Variants in ADARB2 observed in about 807,000 individuals in gnomAD.
ADARB2 encodes the protein inactive double-stranded RNA-specific editase B2.
Under a neutral mutation model 62.2 loss-of-function variants are expected in ADARB2, and 25 were observed. The ratio of observed to expected loss-of-function variants is 0.40; its 90% CI spans 0.29 to 0.56. ADARB2 has a LOEUF of 0.56. Ranked by LOEUF, ADARB2 falls within the 20% of genes least tolerant of loss-of-function variation. The pLI is 0.43. For synonymous variants in ADARB2, 572 were observed against 500.8 expected, an observed-to-expected ratio of 1.14 and a Z score of -1.90; for missense variants, 1,071 against 1,077.4, an observed-to-expected ratio of 0.99 and a Z score of 0.08.
intron 1 of ADARB2, among the ~76,000 whole-genome samples, chr10:1,393,970 G>C (rs141925356): frequency 2.0e-3 from 306 of 152,340 alleles, no homozygotes; most frequent in South Asian, 3.5e-3. Context: ...GGGGGTGGAG[G>C]CTGCAGAAGT....
chr10:1,530,512 T>G (rs1046941518), intron 1 of ADARB2, among the ~76,000 whole-genome samples: 1 of 152,230 alleles, frequency 6.6e-6, no homozygotes, highest in Non-Finnish European at 1.5e-5. Context: ...TCACGTGGCC[T>G]CTGTGGGAGC....
chr10:1,373,316 AC>A (rs1832389708), intron 2 of ADARB2, among the ~76,000 whole-genome samples: 1 of 151,750 alleles, frequency 6.6e-6, no homozygotes, highest in South Asian at 2.1e-4. Context: ...TCTCTGACAC[AC>A]ACACACACAC....
chr10:1,458,327 GAGA>G (rs1831123008), intron 1 of ADARB2, among the ~76,000 whole-genome samples: 3 of 151,910 alleles, frequency 2.0e-5, no homozygotes, highest in Non-Finnish European at 4.4e-5. Context: ...GAGCTGCCAG[GAGA>G]AGAAGGAAAG....
intron 1 of ADARB2, among the ~76,000 whole-genome samples, chr10:1,703,128 C>T (rs1475394613): frequency 2.0e-5 from 3 of 152,132 alleles, no homozygotes; most frequent in African/African-American, 7.2e-5. Context: ...GCACGTGCTA[C>T]ACCAGGGGCT....
intron 7 of ADARB2, among the ~76,000 whole-genome samples, chr10:1,211,338 A>G (rs1247391708): frequency 6.6e-6 from 1 of 151,664 alleles, no homozygotes; most frequent in African/African-American, 2.4e-5. Context: ...TTATTGTTCT[A>G]TGTATGCCTG....
At chr10:1,262,952 TA>T (rs916267641) in intron 4 of ADARB2, among the ~76,000 whole-genome samples, 3 of 151,902 alleles carry the variant, frequency 2.0e-5, no homozygotes, top group South Asian at 2.1e-4. Flanking sequence ...TATGCAGCCA[TA>T]AAAAATGATA....
intron 1 of ADARB2, among the ~76,000 whole-genome samples, chr10:1,721,849 C>T (rs1835097587): frequency 6.6e-6 from 1 of 152,046 alleles, no homozygotes; most frequent in South Asian, 2.1e-4. Context: ...GGAGAGGGGT[C>T]CAGAGAAATC....
intron 1 of ADARB2, among the ~76,000 whole-genome samples, chr10:1,433,511 G>A (rs1051501831): frequency 9.9e-5 from 15 of 152,168 alleles, no homozygotes; most frequent in African/African-American, 2.4e-4. Flanking sequence ...GAATCAGTCC[G>A]GCTTCCCAGA....
At position 1,268,577 on chromosome 10, in the gene ADARB2, G is replaced by C. The variant is rs538359472; in HGVS notation, c.1192+2378C>G. Among the ~76,000 whole-genome samples the C allele has an allele frequency of 2.6e-5, 4 of 152,270 alleles. No individual in the cohort carries two copies. In the East Asian group the frequency reaches 5.8e-4, roughly 22 times the overall value. On this transcript the variant is annotated intron_variant, in intron 4 of 9. Transcript: ENST00000381312. ...CAACTAGAACAAGACATATTACTCT[G>C]AGAATTTCTTAGGTATTTGCTTGAA...
intron 1 of ADARB2, among the ~76,000 whole-genome samples, chr10:1,735,182 G>A (rs761196556): frequency 2.0e-5 from 3 of 152,096 alleles, no homozygotes; most frequent in African/African-American, 7.2e-5. Context: ...GCCCTTTCCC[G>A]CTTCAATTTT....
chr10:1,510,136 C>CTT (rs1331278441), intron 1 of ADARB2, among the ~76,000 whole-genome samples: 1 of 126,944 alleles, frequency 7.9e-6, no homozygotes, highest in Non-Finnish European at 1.6e-5. Flanking sequence ...TTCTTTCTTT[C>CTT]TTTCTTTCTT....
intron 1 of ADARB2, among the ~76,000 whole-genome samples, chr10:1,717,449 A>C (rs1395150087): frequency 6.6e-6 from 1 of 151,648 alleles, no homozygotes; most frequent in African/African-American, 2.4e-5. Context: ...AAGGGACTCC[A>C]GTCTCTTTCT....
rs1380326537 is a variant in ADARB2 at position 1,459,964 on chromosome 10, G to C, written c.101-80804C>G. ...TGCGTTACGAACCTGCCTGTGACCTGAGTTTACCTGTGTAGCAAACCTGCC... is the reference window on the plus strand; with the variant it reads ...TGCGTTACGAACCTGCCTGTGACCTCAGTTTACCTGTGTAGCAAACCTGCC... On this transcript the variant is annotated intron_variant, in intron 1 of 9. Transcript: ENST00000381312. Among the ~76,000 whole-genome samples, 36 of 141,134 alleles carry C rather than the reference G, an allele frequency of 2.6e-4. No individual in the cohort carries two copies. In the East Asian group the frequency reaches 3.0e-3, roughly 12 times the overall value. 92.6% of individuals were successfully genotyped at this position (141,134 alleles called of 152,430 possible).
intron 1 of ADARB2, among the ~76,000 whole-genome samples, chr10:1,390,524 G>A (rs996665511): frequency 2.0e-5 from 3 of 152,222 alleles, no homozygotes; most frequent in African/African-American, 7.2e-5. Flanking sequence ...TGTAAAGCAA[G>A]CCTCAAAGAA....
At chr10:1,540,991 C>T (rs1318061421) in intron 1 of ADARB2, among the ~76,000 whole-genome samples, 1 of 52,088 alleles carries the variant, frequency 1.9e-5, no homozygotes, top group African/African-American at 7.8e-5. Flanking sequence ...TCCACTCAGA[C>T]TCAGTTCAGA....
At chr10:1,404,094 A>G (rs1211277970) in intron 1 of ADARB2, among the ~76,000 whole-genome samples, 2 of 152,238 alleles carry the variant, frequency 1.3e-5, no homozygotes, top group Non-Finnish European at 2.9e-5. Flanking sequence ...CTAGGCCAAC[A>G]AAGATGAAAC....
intron 1 of ADARB2, among the ~76,000 whole-genome samples, chr10:1,475,243 C>CTT (rs1229651862): frequency 6.6e-6 from 1 of 152,212 alleles, no homozygotes; most frequent in African/African-American, 2.4e-5. Flanking sequence ...GCTCTAGGGG[C>CTT]TTAGGTGGTT....
intron 1 of ADARB2, among the ~76,000 whole-genome samples, chr10:1,629,695 CT>C (rs975534415): frequency 8.5e-5 from 13 of 152,084 alleles, no homozygotes; most frequent in African/African-American, 3.1e-4. Flanking sequence ...CTCCCCCAAA[CT>C]GCCATCCCTG....
intron 1 of ADARB2, among the ~76,000 whole-genome samples, chr10:1,645,916 G>T (rs72766739): frequency 0.08 from 12,197 of 152,272 alleles, 678 homozygotes; most frequent in East Asian, 0.25. Flanking sequence ...CCAGCACAGG[G>T]AAGGTGCGCT....
Sources: allele counts gnomAD v4.1 joint callset (sites outside exome capture counted in the v4.1 genomes callset), GRCh38; gene constraint gnomAD v4.1.1; transcripts MANE v1.5; gene names NCBI Gene and HGNC (gene_info 2026-07-23, HGNC 2026-07-21).